The following PDE10A variants were observed in gnomAD, a reference collection of about 807,000 sequenced individuals.
The protein encoded by PDE10A is phosphodiesterase 10A.
PDE10A carries 39 observed loss-of-function variants against 97.7 expected under a neutral mutation model. The ratio of observed to expected loss-of-function variants is 0.40; its 90% CI spans 0.31 to 0.52. The LOEUF is 0.52. PDE10A is among the 20% of genes least tolerant of loss of function. The pLI is 0.56. For missense variants in PDE10A, 731 were observed against 1,047.8 expected, an observed-to-expected ratio of 0.70 and a Z score of 4.17; for synonymous variants, 371 against 376.8, an observed-to-expected ratio of 0.98 and a Z score of 0.18.
intron 2 of PDE10A, among the ~76,000 whole-genome samples, chr6:165,534,699 T>C (rs1294843724): frequency 1.3e-5 from 2 of 152,078 alleles, no homozygotes; most frequent in African/African-American, 2.4e-5. Context: ...ACAGAAAGCA[T>C]ATGATCATTT....
chr6:165,638,411 C>T (rs1158112608), intron 1 of PDE10A, among the ~76,000 whole-genome samples: 3 of 152,044 alleles, frequency 2.0e-5, no homozygotes, highest in African/African-American at 7.2e-5. Context: ...TGGAAGGAGT[C>T]GTTTTATATC....
chr6:165,713,030 C>T (rs1274326342), intron 1 of PDE10A, among the ~76,000 whole-genome samples: 1 of 152,200 alleles, frequency 6.6e-6, no homozygotes, highest in African/African-American at 2.4e-5. Flanking sequence ...TGGGCTCAGG[C>T]CCTGTTTCAG....
At chr6:165,567,589 C>A (rs2128341986) in intron 1 of PDE10A, among the ~76,000 whole-genome samples, 1 of 152,226 alleles carries the variant, frequency 6.6e-6, no homozygotes, top group East Asian at 1.9e-4. Context: ...ACTATGAAAC[C>A]CATTCCCAAT....
At chr6:165,986,978 G>A (rs962684979) in intron 1 of PDE10A, among the ~76,000 whole-genome samples, 27 of 152,260 alleles carry the variant, frequency 1.8e-4, no homozygotes, top group African/African-American at 6.0e-4. Flanking sequence ...TGGGGAGGTG[G>A]GGGGAGAGAA....
At chr6:165,440,618 C>T (rs939853892) in intron 5 of PDE10A, among the ~76,000 whole-genome samples, 3 of 152,048 alleles carry the variant, frequency 2.0e-5, no homozygotes, top group African/African-American at 7.2e-5. Flanking sequence ...ACCTTGGCTA[C>T]CTCATCACTA....
chr6:165,943,234 A>AGAAGGAAGGAAGGAAG (rs1192602938), intron 1 of PDE10A, among the ~76,000 whole-genome samples: 18 of 34,054 alleles, frequency 5.3e-4, no homozygotes, highest in African/African-American at 6.6e-4. Flanking sequence ...AAAGAAAGAA[A>AGAAGGAAGGAAGGAAG]GAAGGAAGGA....
intron 1 of PDE10A, among the ~76,000 whole-genome samples, chr6:165,577,967 C>A (rs1208327422): frequency 6.6e-6 from 1 of 152,164 alleles, no homozygotes; most frequent in Non-Finnish European, 1.5e-5. Context: ...CTCCTTGCAC[C>A]GGGTCACCTC....
At chr6:165,781,150 T>C (rs1254746142) in intron 1 of PDE10A, 1 of 152,254 alleles carries the variant, frequency 6.6e-6, no homozygotes, top group African/African-American at 2.4e-5. Flanking sequence ...GTCTTCTCTT[T>C]GCTCGTGTCC....
chr6:165,719,159 GA>G (rs1340715133), intron 1 of PDE10A, among the ~76,000 whole-genome samples: 2 of 151,702 alleles, frequency 1.3e-5, no homozygotes, highest in Non-Finnish European at 2.9e-5. Flanking sequence ...ATTCAGGACA[GA>G]AAAAAAAGCA....
intron 13 of PDE10A, chr6:165,409,607 C>T (rs991211124): frequency 3.7e-5 from 6 of 162,572 alleles, no homozygotes; most frequent in Non-Finnish European, 7.8e-5. Flanking sequence ...CGTCTGATCT[C>T]GGAAGCTAAG....
At chr6:165,416,565 T>C (rs1478142587) in intron 11 of PDE10A, among the ~76,000 whole-genome samples, 1 of 152,188 alleles carries the variant, frequency 6.6e-6, no homozygotes, top group Non-Finnish European at 1.5e-5. Context: ...ATCCCTTCTA[T>C]TTGCGAAGCA....
chr6:165,455,461 A>G (rs536937098), intron 3 of PDE10A, among the ~76,000 whole-genome samples: 37 of 152,330 alleles, frequency 2.4e-4, no homozygotes, highest in African/African-American at 7.7e-4. Flanking sequence ...ATCTGAGGGA[A>G]GAGCTTCCCA....
At chr6:165,943,346 G>GAAA (rs369730730) in intron 1 of PDE10A, among the ~76,000 whole-genome samples, 14,317 of 80,140 alleles carry the variant, frequency 0.18, 2,673 homozygotes, top group African/African-American at 0.35. Flanking sequence ...AGAAAGAAAA[G>GAAA]AGAAAGAAAG....
At chr6:165,497,683 T>A (rs776622117) in intron 2 of PDE10A, among the ~76,000 whole-genome samples, 32 of 152,282 alleles carry the variant, frequency 2.1e-4, no homozygotes, top group Non-Finnish European at 4.6e-4. Context: ...TGAATCTAGA[T>A]GCTATCAGGC....
At chr6:165,756,213 A>T (rs1458186077) in intron 1 of PDE10A, among the ~76,000 whole-genome samples, 3 of 152,218 alleles carry the variant, frequency 2.0e-5, no homozygotes, top group African/African-American at 7.2e-5. Context: ...ATTAAGAAAA[A>T]GATTGGCAAA....
At chr6:165,466,006 T>C (rs1036886096) in intron 3 of PDE10A, among the ~76,000 whole-genome samples, 1 of 152,156 alleles carries the variant, frequency 6.6e-6, no homozygotes, top group African/African-American at 2.4e-5. Flanking sequence ...AGAACGATCA[T>C]GGCTGATTAT....
chr6:165,680,761 G>A (rs771843550), intron 1 of PDE10A, among the ~76,000 whole-genome samples: 5 of 152,222 alleles, frequency 3.3e-5, no homozygotes, highest in Admixed American at 6.5e-5. Context: ...AAAATTAGCC[G>A]GGTGTGGTGG....
At chr6:165,757,421 T>C (rs147602905) in intron 1 of PDE10A, among the ~76,000 whole-genome samples, 13 of 152,316 alleles carry the variant, frequency 8.5e-5, no homozygotes, top group African/African-American at 2.6e-4. Flanking sequence ...ATTTTATGTC[T>C]TCTGAATTTT....
At chr6:165,566,903 A>G (rs1020784078) in intron 1 of PDE10A, among the ~76,000 whole-genome samples, 8 of 152,220 alleles carry the variant, frequency 5.3e-5, no homozygotes, top group African/African-American at 1.9e-4. Context: ...GCAGGAATCT[A>G]CCGAAAAATC....
Sources: gnomAD v4.1 joint callset for allele counts (sites outside exome capture counted in the v4.1 genomes callset) on GRCh38, gnomAD v4.1.1 for gene constraint, MANE v1.5 for transcripts, NCBI Gene and HGNC (gene_info 2026-07-23, HGNC 2026-07-21) for gene names.